Variants in ADGRG4 observed in about 807,000 individuals in gnomAD.
ADGRG4 encodes the protein G protein-coupled receptor 112.
In ADGRG4, 122 loss-of-function variants were observed where a neutral mutation model predicts 126.2. The ratio of observed to expected loss-of-function variants is 0.97; its 90% CI spans 0.83 to 1.12. The LOEUF is 1.12. Among genes scored for constraint, ADGRG4 ranks in the 50% most tolerant of loss-of-function variants. The pLI is 0.00. For missense variants in ADGRG4, 2,481 were observed against 2,251.8 expected (o/e 1.10, Z -2.06); for synonymous variants, 943 against 838.7 (o/e 1.12, Z -2.15).
chrX:136,347,825 C>A lies in ADGRG4; in HGVS notation c.4119C>A (p.Thr1373=). 2 of 1,208,713 alleles carry A rather than the reference C, an allele frequency of 1.7e-6. No individual in the cohort carries two copies. Among genetic ancestry groups the A allele is most frequent in the African/African-American group, 3.5e-5 (2 of 57,742 alleles). Residue 1373 remains threonine, a synonymous_variant, in exon 6 of 26, where the codon ACC becomes ACA. Coordinates refer to ENST00000394143, the MANE Select transcript of ADGRG4 (RefSeq NM_153834.4). ...TCCCCTCACAAGCTCTGACAATCACCACTTTTTTGTGTCCTGAAAAGGAAA... is the reference window on the plus strand; with the variant it reads ...TCCCCTCACAAGCTCTGACAATCACAACTTTTTTGTGTCCTGAAAAGGAAA... ...TALPSQALTI[T]TFLCPEKEST... is the part of the protein sequence containing the mutation.
chrX:136,303,535 T>G (rs893966179), intron 1 of ADGRG4, among the ~76,000 whole-genome samples: 1 of 112,147 alleles, frequency 8.9e-6, no homozygotes, highest in Non-Finnish European at 1.9e-5. Flanking sequence ...TAAAAACATG[T>G]AGTATCATTA....
intron 15 of ADGRG4, among the ~76,000 whole-genome samples, chrX:136,374,389 A>T (rs772567084): frequency 1.8e-5 from 2 of 111,266 alleles, no homozygotes; most frequent in Non-Finnish European, 3.8e-5. Flanking sequence ...ATACCTAGGA[A>T]TGGAATTGCT....
rs545318759 is a variant in ADGRG4, at chrX:136,358,746, G to A, written c.6981-546G>A. 9.8e-5 allele frequency among the ~76,000 whole-genome samples: 11 copies of A among 111,865 alleles called. No individual in the cohort carries two copies. In the South Asian group the frequency reaches 3.0e-3, roughly 31 times the overall value. Reference sequence around the variant, plus strand: ...AATAATAGCATTACCTCATACGGTCGTTGTGAGAATAAAGTGAATCAGAAC... The same window carrying A: ...AATAATAGCATTACCTCATACGGTCATTGTGAGAATAAAGTGAATCAGAAC... On this transcript the variant is annotated intron_variant, in intron 10 of 25. Transcript: ENST00000394143.
rs1193971071 is a variant in ADGRG4, at chrX:136,302,879, GATC to G, written c.-253-1239_-253-1237del. ...GATACCATCATCACCATTAACTCAT[GATC>G]ATCATCATCATCATTTCCATGTTGC... On this transcript the variant is annotated intron_variant, in intron 1 of 25. Transcript: ENST00000394143. 6.3e-5 allele frequency among the ~76,000 whole-genome samples: 7 copies of G among 111,728 alleles called. No individual in the cohort carries two copies. In the East Asian group the frequency reaches 2.0e-3, roughly 32 times the overall value.
chrX:136,337,624 A>G (rs1444300525), intron 5 of ADGRG4, among the ~76,000 whole-genome samples: 1 of 112,362 alleles, frequency 8.9e-6, no homozygotes, highest in Non-Finnish European at 1.9e-5. Flanking sequence ...GAAAAATATT[A>G]TGACAGCTTC....
intron 15 of ADGRG4, among the ~76,000 whole-genome samples, chrX:136,385,174 C>T (rs1448131558): frequency 9.0e-6 from 1 of 111,259 alleles, no homozygotes; most frequent in African/African-American, 3.3e-5. Context: ...AATTTGCAGA[C>T]ATCTGTTGTT....
intron 8 of ADGRG4, 44 bp downstream of exon 8, chrX:136,353,445 G>A: frequency 1.1e-6 from 1 of 923,780 alleles, no homozygotes; most frequent in South Asian, 2.0e-5. Flanking sequence ...CAATTTGAGG[G>A]CATTTTGGGT....
chrX:136,397,671 C>T (rs1226692238), intron 19 of ADGRG4, among the ~76,000 whole-genome samples: 1 of 110,706 alleles, frequency 9.0e-6, no homozygotes, highest in Non-Finnish European at 1.9e-5. Context: ...ATTGATGGCT[C>T]CCCATGCCCT....
At chrX:136,411,515 T>C (rs948530267) in intron 23 of ADGRG4, among the ~76,000 whole-genome samples, 3 of 112,916 alleles carry the variant, frequency 2.7e-5, no homozygotes, top group African/African-American at 9.7e-5. Flanking sequence ...GGTTTCCACA[T>C]GGTGTCATTA....
At chrX:136,339,730 G>C (rs1365079105) in intron 5 of ADGRG4, among the ~76,000 whole-genome samples, 1 of 112,217 alleles carries the variant, frequency 8.9e-6, no homozygotes, top group African/African-American at 3.2e-5. Flanking sequence ...GTTCTCCTTT[G>C]GTTGTCTCTT....
At chrX:136,389,575 A>G (rs1441772646) in intron 16 of ADGRG4, among the ~76,000 whole-genome samples, 1 of 112,074 alleles carries the variant, frequency 8.9e-6, no homozygotes, top group Non-Finnish European at 1.9e-5. Context: ...GGGCCCTCCT[A>G]ACTCATATCA....
At chrX:136,352,799 TTA>T (rs908391026) in intron 7 of ADGRG4, among the ~76,000 whole-genome samples, 1 of 112,036 alleles carries the variant, frequency 8.9e-6, no homozygotes, top group African/African-American at 3.2e-5. Context: ...GGTGGGTGTA[TTA>T]GTCTACTCAG....
intron 20 of ADGRG4, 133 bp downstream of exon 20, chrX:136,398,135 G>A (rs1482862211): frequency 4.0e-6 from 2 of 499,586 alleles, no homozygotes; most frequent in Non-Finnish European, 6.1e-6. Context: ...GAAGTGGACA[G>A]GTTAAAAACA....
At chrX:136,390,039 ATTTGTTTGTTTG>A (rs757060684) in intron 16 of ADGRG4, among the ~76,000 whole-genome samples, 1 of 111,398 alleles carries the variant, frequency 9.0e-6, no homozygotes, top group Non-Finnish European at 1.9e-5. Flanking sequence ...AACCTTAGAA[ATTTGTTTGTTTG>A]TTTGTTTGTG....
At chrX:136,369,963 A>G (rs756160103) in intron 13 of ADGRG4, among the ~76,000 whole-genome samples, 2 of 111,663 alleles carry the variant, frequency 1.8e-5, no homozygotes, top group South Asian at 7.6e-4. Flanking sequence ...TTTGCAGGAA[A>G]AAAAAAGAGA....
At chrX:136,301,630 G>T (rs1443934944) in intron 1 of ADGRG4, among the ~76,000 whole-genome samples, 1 of 112,135 alleles carries the variant, frequency 8.9e-6, no homozygotes, top group Non-Finnish European at 1.9e-5. Flanking sequence ...TGTTGCCATT[G>T]CTGTTTTAGA....
rs780934461 is a variant in ADGRG4, at chrX:136,414,187, T to C, written c.9065T>C (p.Val3022Ala). 8.3e-7 allele frequency: 1 copy of C among 1,203,298 alleles called. No homozygotes were observed. Among genetic ancestry groups the C allele is most frequent in the South Asian group, 1.8e-5 (1 of 54,758 alleles). ...SDGSSRCQIK[V>A]GYKQEGLKKI... ...GGGAGCAGCCGGTGTCAGATAAAGG[T>C]TGGATATAAACAGGAGGGACTAAAG... is the stretch of plus-strand genomic sequence containing the variant. Residue 3022 changes from valine (V) to alanine (A), a missense_variant, in exon 25 of 26, where the codon GTT becomes GCT. Transcript: ENST00000394143.
At chrX:136,377,167 C>CTTTTTTTTTTTTTTTTTT (rs1184343263) in intron 15 of ADGRG4, among the ~76,000 whole-genome samples, 173 of 48,627 alleles carry the variant, frequency 3.6e-3, no homozygotes, top group South Asian at 4.2e-3. Context: ...GTTTTCTTTC[C>CTTTTTTTTTTTTTTTTTT]TTTTTTTTTT....
chrX:136,314,916 T>C (rs952637563), intron 4 of ADGRG4, among the ~76,000 whole-genome samples: 1 of 111,747 alleles, frequency 8.9e-6, no homozygotes, highest in Non-Finnish European at 1.9e-5. Context: ...GGGTGAGACA[T>C]GGGCCTTGAA....
Sources: gnomAD v4.1 joint callset for allele counts (sites outside exome capture counted in the v4.1 genomes callset) on GRCh38, gnomAD v4.1.1 for gene constraint, MANE v1.5 for transcripts, NCBI Gene and HGNC (gene_info 2026-07-23, HGNC 2026-07-21) for gene names.